Variants in PCTP observed in about 807,000 individuals in gnomAD.
The protein encoded by PCTP is START domain-containing protein 2.
In PCTP, 27 loss-of-function variants were observed where a neutral mutation model predicts 31.0. The ratio of observed to expected loss-of-function variants is 0.87; its 90% CI spans 0.64 to 1.20. The LOEUF (loss-of-function observed/expected upper bound fraction) is 1.20, where lower values mean the gene tolerates loss of function less well. Among genes scored for constraint, PCTP ranks in the 50% most tolerant of loss-of-function variants. The probability of loss-of-function intolerance (pLI) is 0.00; values close to 1 mark genes in which losing one functional copy is unlikely to be tolerated. For synonymous variants in PCTP, 108 were observed against 101.2 expected, an observed-to-expected ratio of 1.07 and a Z score of -0.40; for missense variants, 287 against 268.2, an observed-to-expected ratio of 1.07 and a Z score of -0.49.
In PCTP at chr17:55,767,386, C is replaced by G; in HGVS notation, c.193C>G (p.Pro65Ala). ...CTTTGGTGTTCTGGAGGACTGCTCACCAACTCTACTGGCAGACATCTATAT... is the reference window on the plus strand; with the variant it reads ...CTTTGGTGTTCTGGAGGACTGCTCAGCAACTCTACTGGCAGACATCTATAT... The part of the protein sequence containing the change: ...KVFGVLEDCS[P>A]TLLADIYMDS... Residue 65 changes from proline (P) to alanine (A), a missense_variant, in exon 2 of 6, where the codon CCA becomes GCA. Coordinates refer to ENST00000268896, the MANE Select transcript of PCTP (RefSeq NM_021213.4). 3 of 1,613,588 alleles carry G rather than the reference C, an allele frequency of 1.9e-6. No individual in the cohort carries two copies. The highest frequency in any genetic ancestry group is 8.5e-7 in the Non-Finnish European group (1 of 1,179,636).
At chr17:55,842,466 G>A (rs1240935806) in intron 5 of PCTP, among the ~76,000 whole-genome samples, 1 of 152,162 alleles carries the variant, frequency 6.6e-6, no homozygotes, top group African/African-American at 2.4e-5. Context: ...ACTGAGAAAA[G>A]CCAGATCCTA....
rs563390076 is a variant in PCTP, at chr17:55,822,764, CAG to C, written c.324_325del (p.Arg108SerfsTer25). 4.4e-4 allele frequency: 539 copies of C among 1,231,146 alleles called. 3 individuals are homozygous for C. In the African/African-American group the frequency reaches 7.7e-3, roughly 18 times the overall value. 76.3% of individuals were successfully genotyped at this position (1,231,146 alleles called of 1,614,324 possible). The stretch of plus-strand genomic sequence containing the variant: ...CTCTTTCCATTTGATTCTTTAGAAT[CAG>C]AGCAGAACCAAGCGGGAAGCTCAGA... On this transcript the variant is annotated frameshift_variant, in exon 4 of 4. Coordinates refer to the PCTP transcript ENST00000572536. LOFTEE classifies it low-confidence loss of function (END_TRUNC).
chr17:55,759,322 A>G (rs143415015), intron 1 of PCTP, among the ~76,000 whole-genome samples: 3 of 152,334 alleles, frequency 2.0e-5, no homozygotes, highest in African/African-American at 7.2e-5. Flanking sequence ...AACATCAGCT[A>G]TGAGTATTGT....
At chr17:55,767,613 C>T (rs916336840) in intron 2 of PCTP, among the ~76,000 whole-genome samples, 161 bp downstream of exon 2, 29 of 151,902 alleles carry the variant, frequency 1.9e-4, no homozygotes, top group African/African-American at 5.6e-4. Context: ...TACAGGCGCC[C>T]GCCACCACAC....
intron 3 of PCTP, among the ~76,000 whole-genome samples, chr17:55,792,712 C>T (rs971028589): frequency 2.0e-5 from 3 of 152,046 alleles, no homozygotes; most frequent in Admixed American, 6.6e-5. Context: ...ACTTCAAAAG[C>T]CTATGTAAGT....
At chr17:55,756,682 C>A in intron 1 of PCTP, among the ~76,000 whole-genome samples, 1 of 150,980 alleles carries the variant, frequency 6.6e-6, no homozygotes, top group East Asian at 1.9e-4. Context: ...ATAATAAAAC[C>A]GTTTTATACA....
rs1910720540 is a variant in PCTP, at chr17:55,767,348, A to T, written c.155A>T (p.Tyr52Phe). ...CTGTTTTTATAGAAGACTGGACTTT[A>T]TGAGTATAAAGTCTTTGGTGTTCTG... ...YRLLDKKTGL[Y>F]EYKVFGVLED... Residue 52 changes from tyrosine (Y) to phenylalanine (F), a missense_variant, in exon 2 of 6, where the codon TAT becomes TTT. Tyr to Phe is a conservative substitution (Grantham distance 22). Transcript: ENST00000268896. The T allele has an allele frequency of 6.2e-7, 1 of 1,607,664 alleles. No individual in the cohort carries two copies. Among genetic ancestry groups the T allele is most frequent in the Non-Finnish European group, 8.5e-7 (1 of 1,174,528 alleles).
intron 2 of PCTP, among the ~76,000 whole-genome samples, chr17:55,768,505 A>G (rs949780861): frequency 6.6e-6 from 1 of 152,194 alleles, no homozygotes; most frequent in African/African-American, 2.4e-5. Context: ...GCGTGAAGCA[A>G]TATGTTCAAT....
chr17:55,818,395 G>A (rs895230176), intron 3 of PCTP, among the ~76,000 whole-genome samples: 1 of 152,210 alleles, frequency 6.6e-6, no homozygotes, highest in South Asian at 2.1e-4. Flanking sequence ...ATTTGTCACT[G>A]TGTGAGTATC....
intron 5 of PCTP, chr17:55,775,234 C>A (rs1911263967): frequency 8.8e-6 from 11 of 1,256,148 alleles, no homozygotes; most frequent in Non-Finnish European, 1.1e-5. Context: ...TTGGAGACAA[C>A]CAGATGTGTC....
At chr17:55,760,247 T>C (rs1004679657) in intron 1 of PCTP, among the ~76,000 whole-genome samples, 1 of 152,214 alleles carries the variant, frequency 6.6e-6, no homozygotes, top group African/African-American at 2.4e-5. Context: ...ACTGTAGATA[T>C]TGGTTTTCCT....
intron 1 of PCTP, among the ~76,000 whole-genome samples, chr17:55,761,828 A>T (rs970290567): frequency 1.3e-5 from 2 of 152,022 alleles, no homozygotes; most frequent in African/African-American, 4.8e-5. Flanking sequence ...TAATGAATTT[A>T]TGTATAATTA....
At chr17:55,816,748 C>T (rs1912928962) in intron 3 of PCTP, among the ~76,000 whole-genome samples, 1 of 152,202 alleles carries the variant, frequency 6.6e-6, no homozygotes, top group African/African-American at 2.4e-5. Context: ...TATAAGTTGG[C>T]ACACCACGGT....
Position 55,758,978 on chromosome 17 carries a change from A to G in PCTP, c.141+7734A>G, listed in dbSNP as rs184614639. Among the ~76,000 whole-genome samples the G allele has an allele frequency of 2.0e-5, 3 of 152,328 alleles. No homozygotes were observed. In the East Asian group the frequency reaches 5.8e-4, roughly 29 times the overall value. ...ATTACAGGAGGTGGCTATTAATAAA[A>G]CAAAACACTGATATTTCATTCAGCC... is the stretch of plus-strand genomic sequence containing the variant. On this transcript the variant is annotated intron_variant, in intron 1 of 5. Transcript: ENST00000268896.
chr17:55,777,481 C>A, downstream of PCTP: 1 of 837,484 alleles, frequency 1.2e-6, no homozygotes, highest in Non-Finnish European at 1.4e-6. Context: ...TAGACTTAAA[C>A]ATAAAACATA....
At position 55,840,538 on chromosome 17, in the gene PCTP, G is replaced by T. The variant is rs569959400; in HGVS notation, n.506-2189G>T. The stretch of plus-strand genomic sequence containing the variant: ...CACATCCGTGATTTTGTTTTCCATG[G>T]TTTTGGTTGCCCATGGACAACTACA... On this transcript the variant is annotated intron_variant and non_coding_transcript_variant, in intron 5 of 5. Coordinates refer to the PCTP transcript ENST00000576221. 6.6e-5 allele frequency among the ~76,000 whole-genome samples: 10 copies of T among 152,318 alleles called. No homozygotes were observed. In the East Asian group the frequency reaches 1.9e-3, roughly 29 times the overall value.
chr17:55,804,464 C>T (rs188855692), intron 3 of PCTP, among the ~76,000 whole-genome samples: 3 of 152,258 alleles, frequency 2.0e-5, no homozygotes, highest in Admixed American at 1.3e-4. Flanking sequence ...GGGACCAATC[C>T]AAATGCCCAT....
chr17:55,793,575 T>A (rs1215324177), intron 3 of PCTP, among the ~76,000 whole-genome samples: 3 of 152,138 alleles, frequency 2.0e-5, no homozygotes, highest in Admixed American at 6.6e-5. Flanking sequence ...ATTGTCTGAT[T>A]ATTTACATGA....
At chr17:55,751,277 C>CT (rs1480885605) in intron 1 of PCTP, 33 bp downstream of exon 1, 23 of 1,525,258 alleles carry the variant, frequency 1.5e-5, no homozygotes, top group Non-Finnish European at 2.0e-5. Flanking sequence ...ACCGCGGGGC[C>CT]TAGAATGCGC....
Sources: allele counts gnomAD v4.1 joint callset (sites outside exome capture counted in the v4.1 genomes callset), GRCh38; gene constraint gnomAD v4.1.1; transcripts MANE v1.5; gene names NCBI Gene and HGNC (gene_info 2026-07-23, HGNC 2026-07-21).